Variants in SHTN1 observed in about 807,000 individuals in gnomAD.
SHTN1 encodes the protein shootin-1.
A neutral mutation model predicts 83.1 loss-of-function variants in SHTN1; 42 were observed. That is an observed-to-expected ratio of 0.51 (90% CI 0.39 to 0.65). The LOEUF (loss-of-function observed/expected upper bound fraction) is 0.65, where lower values mean the gene tolerates loss of function less well. Ranked by LOEUF, SHTN1 falls within the 30% of genes least tolerant of loss-of-function variation. The pLI is 0.00. For synonymous variants in SHTN1, 224 were observed against 247.7 expected, an observed-to-expected ratio of 0.90 and a Z score of 0.90; for missense variants, 622 against 737.8, an observed-to-expected ratio of 0.84 and a Z score of 1.82.
intron 1 of SHTN1, among the ~76,000 whole-genome samples, chr10:117,098,468 G>T (rs1853540165): frequency 6.7e-6 from 1 of 149,754 alleles, no homozygotes; most frequent in Non-Finnish European, 1.5e-5. Flanking sequence ...AGATTCTAAT[G>T]ATCAAGATGA....
At position 116,932,866 on chromosome 10, in the gene SHTN1, G is replaced by C. The variant is rs546659105; in HGVS notation, c.859-2864C>G. On this transcript the variant is annotated intron_variant, in intron 9 of 16. Transcript: ENST00000355371. Reference sequence around the variant, plus strand: ...AACAAGGTATATATACAACAATTTAGTCCTATACCTCAGCTCAATTCAGTA... The same window carrying C: ...AACAAGGTATATATACAACAATTTACTCCTATACCTCAGCTCAATTCAGTA... 7.2e-5 allele frequency among the ~76,000 whole-genome samples: 11 copies of C among 152,174 alleles called. No individual in the cohort carries two copies. In the East Asian group the frequency reaches 2.1e-3, roughly 29 times the overall value.
intron 1 of SHTN1, among the ~76,000 whole-genome samples, chr10:117,069,805 A>G (rs986197438): frequency 6.6e-6 from 1 of 152,184 alleles, no homozygotes; most frequent in African/African-American, 2.4e-5. Context: ...GGCATGGATG[A>G]GACAGTGATT....
At chr10:116,927,999 T>A in intron 10 of SHTN1, 108 bp from the exon 11 acceptor site, 1 of 1,277,044 alleles carries the variant, frequency 7.8e-7, no homozygotes, top group Non-Finnish European at 1.1e-6. Context: ...TTCTTTTTAT[T>A]AAGGCAAAAT....
intron 13 of SHTN1, among the ~76,000 whole-genome samples, chr10:116,914,477 A>G (rs1372250095): frequency 3.9e-5 from 6 of 152,078 alleles, no homozygotes; most frequent in Non-Finnish European, 7.4e-5. Context: ...TCTAAAAAAA[A>G]AAAAAAGAAC....
In SHTN1 at chr10:117,012,467, T is replaced by C. The variant is rs566796287; in HGVS notation, c.-122-33159A>G. Among the ~76,000 whole-genome samples the C allele has an allele frequency of 6.6e-5, 10 of 152,294 alleles. No individual in the cohort carries two copies. The East Asian group carries it at 1.9e-3, about 29-fold the overall frequency. ...CACACAAATATAGTGAATCACTTTT[T>C]TTCTGCAAAGTAACAAAACCAATTC... On this transcript the variant is annotated intron_variant, in intron 2 of 17. Transcript: ENST00000392901.
At chr10:116,912,236 A>G (rs1210604112) in intron 13 of SHTN1, among the ~76,000 whole-genome samples, 1 of 152,224 alleles carries the variant, frequency 6.6e-6, no homozygotes, top group Non-Finnish European at 1.5e-5. Flanking sequence ...CAGCAAGCAG[A>G]GACTAGAAAC....
chr10:117,050,504 A>C (rs1480089142), intron 1 of SHTN1, among the ~76,000 whole-genome samples: 8 of 152,158 alleles, frequency 5.3e-5, no homozygotes, highest in Admixed American at 5.2e-4. Flanking sequence ...TTAGGTCAAT[A>C]ATCTAATTGT....
chr10:117,011,539 C>T (rs1490373886), intron 2 of SHTN1, among the ~76,000 whole-genome samples: 1 of 152,106 alleles, frequency 6.6e-6, no homozygotes, highest in Non-Finnish European at 1.5e-5. Flanking sequence ...TCTTTAAATG[C>T]TTCTAAAACA....
At chr10:117,032,716 A>C (rs1852436333) in intron 2 of SHTN1, among the ~76,000 whole-genome samples, 1 of 152,194 alleles carries the variant, frequency 6.6e-6, no homozygotes, top group Non-Finnish European at 1.5e-5. Flanking sequence ...AGAACATTTC[A>C]TCAGTCAGCT....
intron 2 of SHTN1, among the ~76,000 whole-genome samples, chr10:116,977,108 A>T (rs1437468080): frequency 6.6e-6 from 1 of 152,252 alleles, no homozygotes; most frequent in Admixed American, 6.5e-5. Context: ...TCTGTCAGTT[A>T]AACAACTATC....
chr10:116,959,424 G>A (rs75511796), intron 4 of SHTN1, among the ~76,000 whole-genome samples: 6 of 152,170 alleles, frequency 3.9e-5, no homozygotes, highest in East Asian at 1.9e-4. Flanking sequence ...AGAAATTTTC[G>A]GAGGTGGGTG....
rs200012901 is a variant in SHTN1, at chr10:117,060,635, A to G, written c.-188-12125T>C. Among the ~76,000 whole-genome samples the G allele has an allele frequency of 2.6e-5, 4 of 152,252 alleles. 1 individual carries two copies. In the East Asian group the frequency reaches 7.7e-4, roughly 29 times the overall value. On this transcript the variant is annotated intron_variant, in intron 1 of 17. Coordinates refer to the SHTN1 transcript ENST00000392901. ...GAAGCTGTCTATAGTAGGTCAACCA[A>G]GAAAACAAACCAGAAGTGTGTACAA... is the stretch of plus-strand genomic sequence containing the variant.
chr10:116,985,245 T>C (rs1471838825), intron 1 of SHTN1, among the ~76,000 whole-genome samples: 7 of 152,328 alleles, frequency 4.6e-5, no homozygotes, highest in Non-Finnish European at 1.0e-4. Flanking sequence ...AATGAATGGT[T>C]CGTGTAAATC....
chr10:117,017,348 G>A (rs1427655851), intron 2 of SHTN1, among the ~76,000 whole-genome samples: 3 of 152,090 alleles, frequency 2.0e-5, no homozygotes, highest in East Asian at 1.9e-4. Flanking sequence ...AAAATTAGCC[G>A]GGTGCAGTGG....
At chr10:117,014,362 A>G (rs2133558613) in intron 2 of SHTN1, among the ~76,000 whole-genome samples, 1 of 152,300 alleles carries the variant, frequency 6.6e-6, no homozygotes, top group East Asian at 1.9e-4. Flanking sequence ...AAATAAATCG[A>G]ACCATATTAC....
At chr10:117,082,405 T>C (rs1853283790) in intron 1 of SHTN1, among the ~76,000 whole-genome samples, 1 of 149,644 alleles carries the variant, frequency 6.7e-6, no homozygotes, top group South Asian at 2.1e-4. Flanking sequence ...GAGAGATAGT[T>C]TGTTATAATT....
chr10:116,955,984 T>G (rs1247846951), intron 4 of SHTN1, among the ~76,000 whole-genome samples: 1 of 152,232 alleles, frequency 6.6e-6, no homozygotes, highest in Non-Finnish European at 1.5e-5. Context: ...AAACCATGAA[T>G]GCTACAGCAT....
chr10:117,011,420 A>AT (rs1852101143), intron 2 of SHTN1, among the ~76,000 whole-genome samples: 1 of 152,124 alleles, frequency 6.6e-6, no homozygotes, highest in African/African-American at 2.4e-5. Flanking sequence ...ATGAGGATTT[A>AT]TTTTGGGGCT....
intron 10 of SHTN1, 48 bp from the exon 11 acceptor site, chr10:116,927,939 A>C (rs1457628890): frequency 1.3e-6 from 2 of 1,599,388 alleles, no homozygotes; most frequent in Non-Finnish European, 1.7e-6. Context: ...AAGCAACTAA[A>C]CATTGTTTAT....
Sources: gnomAD v4.1 joint callset for allele counts (sites outside exome capture counted in the v4.1 genomes callset) on GRCh38, gnomAD v4.1.1 for gene constraint, MANE v1.5 for transcripts, NCBI Gene and HGNC (gene_info 2026-07-23, HGNC 2026-07-21) for gene names.